Variants in UBAC2 observed in about 807,000 individuals in gnomAD.
The protein encoded by UBAC2 is ubiquitin-associated domain-containing protein 2.
In UBAC2, 26 loss-of-function variants were observed where a neutral mutation model predicts 44.0. The ratio of observed to expected loss-of-function variants is 0.59; its 90% CI spans 0.43 to 0.82. UBAC2 has a LOEUF of 0.82. Among genes scored for constraint, UBAC2 ranks in the 40% least tolerant of loss-of-function variants. The probability of loss-of-function intolerance (pLI) is 0.00; values close to 1 mark genes in which losing one functional copy is unlikely to be tolerated. For synonymous variants in UBAC2, 155 were observed against 154.3 expected, an observed-to-expected ratio of 1.00 and a Z score of -0.04; for missense variants, 329 against 419.4, an observed-to-expected ratio of 0.78 and a Z score of 1.88.
chr13:99,268,061 G>T lies in UBAC2; in HGVS notation c.389+23437G>T, dbSNP rs558426847. Among the ~76,000 whole-genome samples, 6 of 152,296 alleles carry T rather than the reference G, an allele frequency of 3.9e-5. No homozygotes were observed. In the East Asian group the frequency reaches 1.2e-3, roughly 29 times the overall value. ...GAAAGAAGGGGCATGCAGGAGGAGG[G>T]ATTGCCTTTCCCCAGGTGCCTTCAA... On this transcript the variant is annotated intron_variant, in intron 4 of 8. Coordinates refer to ENST00000403766, the MANE Select transcript of UBAC2 (RefSeq NM_001144072.2).
At chr13:99,224,468 A>G (rs1445039200) in intron 1 of UBAC2, among the ~76,000 whole-genome samples, 1 of 152,222 alleles carries the variant, frequency 6.6e-6, no homozygotes, top group Non-Finnish European at 1.5e-5. Flanking sequence ...GAATTCTCCA[A>G]CTATATTTGT....
chr13:99,284,572 G>A (rs1273531647), intron 4 of UBAC2, among the ~76,000 whole-genome samples: 2 of 152,138 alleles, frequency 1.3e-5, no homozygotes, highest in Non-Finnish European at 2.9e-5. Flanking sequence ...TAGACATAAT[G>A]TCCCTTTGAC....
intron 4 of UBAC2, among the ~76,000 whole-genome samples, chr13:99,274,885 T>C (rs558631036): frequency 6.6e-6 from 1 of 151,778 alleles, no homozygotes; most frequent in Admixed American, 6.6e-5. Context: ...TCCCAGCTAA[T>C]TTTTGTATTC....
chr13:99,217,798 C>T (rs919693743), intron 1 of UBAC2, among the ~76,000 whole-genome samples: 1 of 152,126 alleles, frequency 6.6e-6, no homozygotes, highest in African/African-American at 2.4e-5. Flanking sequence ...TCTGTGATGT[C>T]CTGAGGCGGA....
At chr13:99,328,188 A>C (rs1168794175) in intron 6 of UBAC2, among the ~76,000 whole-genome samples, 2 of 152,230 alleles carry the variant, frequency 1.3e-5, no homozygotes, top group Non-Finnish European at 2.9e-5. Context: ...TATTGTATTA[A>C]GTAACAATTA....
chr13:99,276,625 C>T (rs945731580), intron 4 of UBAC2, among the ~76,000 whole-genome samples: 8 of 152,160 alleles, frequency 5.3e-5, no homozygotes, highest in Non-Finnish European at 1.5e-5. Flanking sequence ...TTTTATAGGG[C>T]TCCATCTCCC....
intron 4 of UBAC2, chr13:99,254,932 CTT>C (rs769289500): frequency 6.2e-6 from 10 of 1,613,876 alleles, no homozygotes; most frequent in Admixed American, 1.7e-5. Context: ...AGATCGGAAA[CTT>C]TTTCTGCGCA....
chr13:99,350,323 G>C lies in UBAC2; in HGVS notation c.807+9758G>C, dbSNP rs779491818. ...TTTTCACATGGATGACTGATGTCCAGGCTCTCCTGGATAGCCTCAGATGGG... is the reference window on the plus strand; with the variant it reads ...TTTTCACATGGATGACTGATGTCCACGCTCTCCTGGATAGCCTCAGATGGG... On this transcript the variant is annotated intron_variant, in intron 7 of 8. Transcript: ENST00000403766. Among the ~76,000 whole-genome samples, 90 of 152,278 alleles carry C rather than the reference G, an allele frequency of 5.9e-4. 1 individual carries two copies. The highest frequency in any genetic ancestry group is 6.5e-4 in the Admixed American group (10 of 15,298).
At chr13:99,207,910 TC>T (rs1394619042) in intron 1 of UBAC2, among the ~76,000 whole-genome samples, 1 of 152,166 alleles carries the variant, frequency 6.6e-6, no homozygotes, top group Non-Finnish European at 1.5e-5. Flanking sequence ...CAAACCGTGT[TC>T]CTACTGACAT....
chr13:99,238,287 A>G (rs996120754), intron 1 of UBAC2, 140 bp from the exon 2 acceptor site: 4 of 1,096,454 alleles, frequency 3.6e-6, no homozygotes, highest in Admixed American at 2.3e-5. Context: ...TTGAAAGTGG[A>G]TATTAGAACC....
chr13:99,273,243 G>A (rs1269625927), intron 4 of UBAC2, among the ~76,000 whole-genome samples: 2 of 152,050 alleles, frequency 1.3e-5, no homozygotes, highest in South Asian at 2.1e-4. Flanking sequence ...TGTTGCGACT[G>A]TGTTCTAAGG....
chr13:99,314,307 AAAACAATGGTTTT>A, intron 5 of UBAC2, 87 bp downstream of exon 5: 1 of 1,403,610 alleles, frequency 7.1e-7, no homozygotes. Context: ...GATCTCCTTG[AAAACAATGGTTTT>A]TTTCCCCCCA....
intron 6 of UBAC2, among the ~76,000 whole-genome samples, chr13:99,329,913 A>G (rs1050463273): frequency 1.3e-5 from 2 of 152,198 alleles, no homozygotes; most frequent in East Asian, 1.9e-4. Context: ...GTCTTAGGTA[A>G]TTTGTTGCTC....
chr13:99,354,016 T>C (rs1482813378), intron 7 of UBAC2, among the ~76,000 whole-genome samples: 1 of 152,278 alleles, frequency 6.6e-6, no homozygotes, highest in African/African-American at 2.4e-5. Flanking sequence ...AAAATCATTC[T>C]GTCTAAGCAA....
intron 6 of UBAC2, among the ~76,000 whole-genome samples, chr13:99,333,993 G>C (rs1426477563): frequency 6.6e-6 from 1 of 152,128 alleles, no homozygotes; most frequent in Non-Finnish European, 1.5e-5. Context: ...CCGTCACCCA[G>C]GCTGGATGCA....
chr13:99,252,156 A>G (rs576191784), intron 4 of UBAC2, among the ~76,000 whole-genome samples: 1 of 152,334 alleles, frequency 6.6e-6, no homozygotes, highest in Admixed American at 6.5e-5. Context: ...CTTGCTACGC[A>G]TTTGCATTCT....
intron 7 of UBAC2, among the ~76,000 whole-genome samples, chr13:99,346,544 C>A (rs2044984160): frequency 6.6e-6 from 1 of 152,226 alleles, no homozygotes; most frequent in African/African-American, 2.4e-5. Flanking sequence ...CATATTGTTT[C>A]ACGCAGTCTC....
chr13:99,318,821 C>CAA (rs397851352), intron 6 of UBAC2, among the ~76,000 whole-genome samples: 718 of 69,836 alleles, frequency 0.01, 17 homozygotes, highest in African/African-American at 0.04. Flanking sequence ...GACTCCATCT[C>CAA]AAAAAAAAAA....
intron 8 of UBAC2, among the ~76,000 whole-genome samples, chr13:99,381,585 T>A (rs1208719206): frequency 6.6e-6 from 1 of 152,162 alleles, no homozygotes; most frequent in Non-Finnish European, 1.5e-5. Flanking sequence ...GCAGGCCAGC[T>A]CCCGTTTGGC....
Sources: gnomAD v4.1 joint callset for allele counts (sites outside exome capture counted in the v4.1 genomes callset) on GRCh38, gnomAD v4.1.1 for gene constraint, MANE v1.5 for transcripts, NCBI Gene and HGNC (gene_info 2026-07-23, HGNC 2026-07-21) for gene names.